EFHB: variants seen among roughly 807,000 people sequenced by gnomAD.
The protein encoded by EFHB is EF-hand domain family member B.
Under a neutral mutation model 87.2 loss-of-function variants are expected in EFHB, and 91 were observed. The observed-to-expected ratio is 1.04, with a 90% CI of 0.88 to 1.24. The LOEUF is 1.24. Ranked by LOEUF, EFHB falls within the 50% of genes most tolerant of loss-of-function variation. EFHB has a pLI of 0.00. For synonymous variants in EFHB, 325 were observed against 333.6 expected (o/e 0.97, Z 0.28); for missense variants, 1,084 against 998.8 (o/e 1.09, Z -1.15).
At chr3:19,898,913 T>C in intron 7 of EFHB, 68 bp from the exon 8 acceptor site, 1 of 1,508,716 alleles carries the variant, frequency 6.6e-7, no homozygotes, top group Non-Finnish European at 9.2e-7. Context: ...TAAAATATGT[T>C]TGCCATATGT....
chr3:19,885,093 G>C (rs1694051119), intron 10 of EFHB, among the ~76,000 whole-genome samples: 1 of 151,810 alleles, frequency 6.6e-6, no homozygotes, highest in South Asian at 2.1e-4. Context: ...ATGGTGGCAG[G>C]CGCCTGTAAC....
chr3:19,881,748 T>C (rs1177248310), intron 12 of EFHB, among the ~76,000 whole-genome samples: 7 of 152,154 alleles, frequency 4.6e-5, no homozygotes, highest in Non-Finnish European at 8.8e-5. Context: ...CAACCCTTCA[T>C]CTGAAGTCCG....
chr3:19,919,734 G>C, intron 3 of EFHB, 99 bp downstream of exon 3: 1 of 1,192,328 alleles, frequency 8.4e-7, no homozygotes, highest in Non-Finnish European at 1.2e-6. Flanking sequence ...AATATGGGTG[G>C]GAAGGAGATT....
At chr3:19,922,357 G>C (rs1052884194) in intron 1 of EFHB, among the ~76,000 whole-genome samples, 8 of 152,036 alleles carry the variant, frequency 5.3e-5, no homozygotes, top group Admixed American at 3.9e-4. Context: ...GTGTATTCAG[G>C]GCAATTGTAT....
chr3:19,935,436 G>A (rs1330656423), upstream of EFHB, among the ~76,000 whole-genome samples: 1 of 152,060 alleles, frequency 6.6e-6, no homozygotes, highest in East Asian at 1.9e-4. Flanking sequence ...ATTAGGCTGG[G>A]CACAGTGGCT....
At position 19,903,166 on chromosome 3, in the gene EFHB, G is replaced by A. The variant is rs1694729238; in HGVS notation, c.1418+2454C>T. ...CAATCTAGTCTGGGTGACAGAGGGA[G>A]ACTCCATCTCAAAAAAAAAAAAAAT... On this transcript the variant is annotated intron_variant, in intron 6 of 12. Transcript: ENST00000295824. 2.0e-5 allele frequency among the ~76,000 whole-genome samples: 3 copies of A among 146,380 alleles called. No individual in the cohort carries two copies. The Admixed American group carries it at 2.1e-4, about 10-fold the overall frequency.
At chr3:19,936,873 T>TA (rs1696035075), upstream of EFHB, among the ~76,000 whole-genome samples, 1 of 136,598 alleles carries the variant, frequency 7.3e-6, no homozygotes, top group African/African-American at 2.8e-5. Context: ...CATCTCAAAA[T>TA]AATAAATAAA....
chr3:19,922,739 A>C (rs1575038047), intron 1 of EFHB, among the ~76,000 whole-genome samples: 1 of 152,146 alleles, frequency 6.6e-6, no homozygotes, highest in East Asian at 1.9e-4. Context: ...CTCAGCCTCA[A>C]TTTGCTCACA....
chr3:19,936,455 T>C, upstream of EFHB: 4 of 431,764 alleles, frequency 9.3e-6, no homozygotes, highest in South Asian at 1.7e-4. Flanking sequence ...TCCTAGCTAC[T>C]CAGGAGGCTG....
At chr3:19,942,322 C>T (rs1696178460) in intron 1 of EFHB, 1 of 153,326 alleles carries the variant, frequency 6.5e-6, no homozygotes, top group African/African-American at 2.4e-5. Flanking sequence ...TCTTTGGTAG[C>T]TTTGATGCTG....
rs1332716559 is a variant in EFHB at position 19,886,474 on chromosome 3, T to G, written c.1934-1859A>C. ...AAAAATTAAGGTAGGCTGGATGCAG[T>G]GGCTCATGCCTGTAATCCCAGCATA... On this transcript the variant is annotated intron_variant, in intron 10 of 12. Transcript: ENST00000295824. Among the ~76,000 whole-genome samples the G allele has an allele frequency of 2.0e-5, 3 of 152,068 alleles. No individual in the cohort carries two copies. In the South Asian group the frequency reaches 6.2e-4, roughly 32 times the overall value.
intron 3 of EFHB, among the ~76,000 whole-genome samples, 182 bp from the exon 4 acceptor site, chr3:19,918,594 C>T (rs1355652823): frequency 1.3e-5 from 2 of 152,032 alleles, no homozygotes; most frequent in Non-Finnish European, 2.9e-5. Flanking sequence ...TTAAACACGC[C>T]TACAAGAACT....
intron 9 of EFHB, among the ~76,000 whole-genome samples, chr3:19,893,998 T>A (rs757350056): frequency 6.6e-6 from 1 of 152,210 alleles, no homozygotes; most frequent in African/African-American, 2.4e-5. Flanking sequence ...CACAAATCTA[T>A]ACATCCTTAA....
At chr3:19,910,979 G>C (rs1161648788) in intron 5 of EFHB, among the ~76,000 whole-genome samples, 2 of 152,214 alleles carry the variant, frequency 1.3e-5, no homozygotes, top group East Asian at 3.9e-4. Flanking sequence ...AAGATGAATG[G>C]GTACAAATAA....
At chr3:19,909,590 AC>A (rs942363655) in intron 5 of EFHB, among the ~76,000 whole-genome samples, 2 of 152,084 alleles carry the variant, frequency 1.3e-5, no homozygotes, top group African/African-American at 4.8e-5. Context: ...ATACTGGGAC[AC>A]CAGCTGGGGC....
At chr3:19,929,230 G>A (rs1695740856) in intron 1 of EFHB, among the ~76,000 whole-genome samples, 1 of 150,514 alleles carries the variant, frequency 6.6e-6, no homozygotes, top group Admixed American at 6.6e-5. Flanking sequence ...TAAGAGACAA[G>A]GTCTCACTAT....
In EFHB at chr3:19,933,404, A is replaced by AAAG; in HGVS notation, c.614_615insCTT (p.Thr205_Lys206insPhe). ...AGCCCATTTGGGGCTCTGTATTCTT[A>AAAG]GTCTCATCTGGCCCCTCGGCTTGGG... On this transcript the variant is annotated inframe_insertion, in exon 1 of 13. Coordinates refer to ENST00000295824, the MANE Select transcript of EFHB (RefSeq NM_144715.4). The AAAG allele has an allele frequency of 6.2e-7, 1 of 1,614,004 alleles. No homozygotes were observed. Among genetic ancestry groups the AAAG allele is most frequent in the Non-Finnish European group, 8.5e-7 (1 of 1,179,892 alleles).
intron 12 of EFHB, among the ~76,000 whole-genome samples, chr3:19,882,016 A>T (rs530796734): frequency 2.1e-5 from 3 of 141,746 alleles, no homozygotes; most frequent in South Asian, 2.2e-4. Flanking sequence ...TTCTGAGTCA[A>T]AAATAAATAA....
intron 12 of EFHB, 138 bp from the exon 13 acceptor site, chr3:19,879,942 G>A: frequency 1.5e-6 from 1 of 676,972 alleles, no homozygotes. Context: ...ATGTATTTGT[G>A]TGTGTGCATG....
Sources: gnomAD v4.1 joint callset for allele counts (sites outside exome capture counted in the v4.1 genomes callset) on GRCh38, gnomAD v4.1.1 for gene constraint, MANE v1.5 for transcripts, NCBI Gene and HGNC (gene_info 2026-07-23, HGNC 2026-07-21) for gene names.